DRC11: variants seen among roughly 807,000 people sequenced by gnomAD.
DRC11 encodes IQ and AAA domain-containing protein 1.
the DRC11 span, among the ~76,000 whole-genome samples, chr2:236,422,169 C>T: frequency 6.6e-6 from 1 of 152,146 alleles, no homozygotes; most frequent in Admixed American, 6.5e-5. Flanking sequence ...CCCTCTCTCA[C>T]CACTCATATT....
the DRC11 span, among the ~76,000 whole-genome samples, chr2:236,412,098 G>T: frequency 6.6e-6 from 1 of 152,060 alleles, no homozygotes. Flanking sequence ...GTCTCCCTAT[G>T]TTGCCCAGGC....
chr2:236,398,496 G>A, the DRC11 span, among the ~76,000 whole-genome samples: 13 of 152,280 alleles, frequency 8.5e-5, no homozygotes, highest in East Asian at 1.9e-3. The surrounding 1 kb of genome is among the most constrained non-coding windows in gnomAD (Gnocchi z 6.2). Context: ...AGGAGGCCAC[G>A]AATGACTGCC....
chr2:236,382,034 A>G, the DRC11 span, among the ~76,000 whole-genome samples: 1 of 151,952 alleles, frequency 6.6e-6, no homozygotes, highest in African/African-American at 2.4e-5. Flanking sequence ...AATTCTAAGA[A>G]CTCTTTATCT....
the DRC11 span, among the ~76,000 whole-genome samples, chr2:236,476,828 G>A: frequency 6.6e-6 from 1 of 151,940 alleles, no homozygotes; most frequent in Non-Finnish European, 1.5e-5. This position sits in a 1 kb window ranked among gnomAD's most constrained non-coding sequence, Gnocchi z 4.7. Flanking sequence ...GTGGTTTGCT[G>A]CACCTATCAA....
the DRC11 span, among the ~76,000 whole-genome samples, chr2:236,360,778 T>C: frequency 2.0e-5 from 3 of 152,214 alleles, no homozygotes; most frequent in African/African-American, 7.2e-5. The surrounding 1 kb of genome is among the most constrained non-coding windows in gnomAD (Gnocchi z 5.8). Flanking sequence ...AGGATTTCCA[T>C]TGAAACTCTG....
chr2:236,403,402 G>C, the DRC11 span, among the ~76,000 whole-genome samples: 2 of 151,948 alleles, frequency 1.3e-5, no homozygotes, highest in African/African-American at 4.8e-5. Flanking sequence ...CTCTTGAAAG[G>C]ACCAAGAGCT....
chr2:236,506,199 G>A, the DRC11 span, among the ~76,000 whole-genome samples: 1 of 152,120 alleles, frequency 6.6e-6, no homozygotes, highest in African/African-American at 2.4e-5. The surrounding 1 kb of genome is among the most constrained non-coding windows in gnomAD (Gnocchi z 4.9). Context: ...TGATTCCTTT[G>A]CCAGGTCTCC....
the DRC11 span, among the ~76,000 whole-genome samples, chr2:236,491,285 A>ATATATATATATATATATATATATACACAC: frequency 7.4e-6 from 1 of 135,048 alleles, no homozygotes; most frequent in Non-Finnish European, 1.6e-5. Context: ...CACAGTATAT[A>ATATATATATATATATATATATATACACAC]AGCAGCTTAA....
the DRC11 span, among the ~76,000 whole-genome samples, chr2:236,365,005 G>C: frequency 6.6e-6 from 1 of 152,068 alleles, no homozygotes; most frequent in Admixed American, 6.5e-5. The surrounding 1 kb of genome is among the most constrained non-coding windows in gnomAD (Gnocchi z 7.4). Context: ...AGTAGGGGCT[G>C]CGGCAATCTA....
the DRC11 span, among the ~76,000 whole-genome samples, chr2:236,400,294 C>T: frequency 3.3e-5 from 5 of 152,106 alleles, no homozygotes; most frequent in African/African-American, 1.2e-4. The surrounding 1 kb of genome is among the most constrained non-coding windows in gnomAD (Gnocchi z 7.9). Context: ...GGGCCCCCCA[C>T]AGCAGAGAGA....
the DRC11 span, among the ~76,000 whole-genome samples, chr2:236,395,034 AG>A: frequency 6.6e-6 from 1 of 152,198 alleles, no homozygotes. Flanking sequence ...TAAATCACAA[AG>A]GTGGTAAATT....
At chr2:236,329,034 C>T in the DRC11 span, among the ~76,000 whole-genome samples, 1 of 152,216 alleles carries the variant, frequency 6.6e-6, no homozygotes, top group South Asian at 2.1e-4. Context: ...TCAGAAATCA[C>T]CTGCTTTTCT....
At chr2:236,416,721 TTATATATATATATATATATATA>T in the DRC11 span, among the ~76,000 whole-genome samples, 1,272 of 64,250 alleles carry the variant, frequency 0.02, 103 homozygotes, top group African/African-American at 0.069. Context: ...ATATATATAT[TTATATATATATATATATATATA>T]TATATATATA....
chr2:236,406,619 C>T, the DRC11 span, among the ~76,000 whole-genome samples: 4 of 152,272 alleles, frequency 2.6e-5, no homozygotes, highest in African/African-American at 9.6e-5. This position sits in a 1 kb window ranked among gnomAD's most constrained non-coding sequence, Gnocchi z 4.7. Flanking sequence ...TAATCCCCTT[C>T]TCTAGATTCA....
At chr2:236,409,380 G>C in the DRC11 span, among the ~76,000 whole-genome samples, 557 of 152,120 alleles carry the variant, frequency 3.7e-3, 8 homozygotes, top group African/African-American at 0.013. Flanking sequence ...ATTGTGAATG[G>C]GAGTTCACTC....
the DRC11 span, chr2:236,419,149 C>T: frequency 6.6e-7 from 1 of 1,516,402 alleles, no homozygotes; most frequent in Non-Finnish European, 8.8e-7. This position sits in a 1 kb window ranked among gnomAD's most constrained non-coding sequence, Gnocchi z 4.8. Flanking sequence ...AATATTTTAC[C>T]TTATTTTTCT....
the DRC11 span, among the ~76,000 whole-genome samples, chr2:236,400,229 A>T: frequency 1.3e-5 from 2 of 151,736 alleles, no homozygotes; most frequent in African/African-American, 4.8e-5. The surrounding 1 kb of genome is among the most constrained non-coding windows in gnomAD (Gnocchi z 7.9). Flanking sequence ...CTGCAGCCTG[A>T]CTCTGGGGCC....
At chr2:236,474,521 A>C in the DRC11 span, among the ~76,000 whole-genome samples, 9 of 152,320 alleles carry the variant, frequency 5.9e-5, no homozygotes, top group Middle Eastern at 6.8e-3. Context: ...TGGAACTCTA[A>C]TTAAATAGAA....
At chr2:236,428,552 C>A in the DRC11 span, among the ~76,000 whole-genome samples, 1 of 152,048 alleles carries the variant, frequency 6.6e-6, no homozygotes. Flanking sequence ...ATTATAGTTA[C>A]CCCTGCTTTC....
Sources: gnomAD v4.1 joint callset for allele counts (sites outside exome capture counted in the v4.1 genomes callset) on GRCh38, gnomAD v4.1.1 for gene constraint, Gnocchi (gnomAD v3.1) non-coding constraint, MANE v1.5 for transcripts, NCBI Gene and HGNC (gene_info 2026-07-23, HGNC 2026-07-21) for gene names.